Variants in ATF7 observed in about 807,000 individuals in gnomAD.
The protein encoded by ATF7 is activating transcription factor 7.
In ATF7, 10 loss-of-function variants were observed where a neutral mutation model predicts 50.4. The ratio of observed to expected loss-of-function variants is 0.20; its 90% CI spans 0.12 to 0.34. ATF7 has a LOEUF of 0.34. Ranked by LOEUF, ATF7 falls within the 10% of genes least tolerant of loss-of-function variation. ATF7 has a pLI of 1.00. For synonymous variants in ATF7, 201 were observed against 226.4 expected (o/e 0.89, Z 1.01); for missense variants, 465 against 613.9 (o/e 0.76, Z 2.56).
At chr12:53,599,927 G>T (rs1372911058) in intron 2 of ATF7, among the ~76,000 whole-genome samples, 1 of 151,504 alleles carries the variant, frequency 6.6e-6, no homozygotes, top group Non-Finnish European at 1.5e-5. Flanking sequence ...GGTCTAGGAA[G>T]AAGAGTTAAG....
At chr12:53,580,621 G>A (rs560088617) in intron 2 of ATF7, among the ~76,000 whole-genome samples, 3 of 134,020 alleles carry the variant, frequency 2.2e-5, no homozygotes, top group Non-Finnish European at 4.6e-5. Context: ...CGGAGATCAC[G>A]CCACTGAACT....
At chr12:53,623,974 T>G (rs1944500914) in intron 1 of ATF7, among the ~76,000 whole-genome samples, 1 of 152,204 alleles carries the variant, frequency 6.6e-6, no homozygotes, top group Non-Finnish European at 1.5e-5. Context: ...GTGTAAACTT[T>G]GATCCACAAG....
intron 2 of ATF7, among the ~76,000 whole-genome samples, chr12:53,579,510 C>G (rs891944872): frequency 6.6e-6 from 1 of 151,088 alleles, no homozygotes; most frequent in African/African-American, 2.4e-5. Context: ...TGAGATCGTG[C>G]CACTGCACTC....
intron 1 of ATF7, among the ~76,000 whole-genome samples, chr12:53,604,288 A>G (rs1454105493): frequency 4.6e-5 from 7 of 152,218 alleles, no homozygotes; most frequent in Non-Finnish European, 1.0e-4. Context: ...AAAAAACTTA[A>G]TACTTACTCA....
intron 2 of ATF7, among the ~76,000 whole-genome samples, chr12:53,558,487 A>G (rs933771103): frequency 6.6e-6 from 1 of 152,242 alleles, no homozygotes; most frequent in Admixed American, 6.5e-5. Context: ...AAAAAAGCAC[A>G]GGCAAAAAAC....
intron 9 of ATF7, among the ~76,000 whole-genome samples, chr12:53,526,184 G>A (rs1431630214): frequency 2.8e-5 from 4 of 144,472 alleles, no homozygotes; most frequent in African/African-American, 1.0e-4. Context: ...CTCCAGCCTG[G>A]ATAACAAGAG....
At chr12:53,563,297 G>A (rs1383194527) in intron 2 of ATF7, among the ~76,000 whole-genome samples, 1 of 152,022 alleles carries the variant, frequency 6.6e-6, no homozygotes, top group Non-Finnish European at 1.5e-5. Context: ...TAGTCTATAT[G>A]GTCTCACAAT....
chr12:53,616,411 T>TG (rs1450749490), intron 1 of ATF7, among the ~76,000 whole-genome samples: 3 of 151,830 alleles, frequency 2.0e-5, no homozygotes, highest in Non-Finnish European at 4.4e-5. Flanking sequence ...TTTGTAGAGA[T>TG]GGGGTCTCCC....
chr12:53,577,521 C>T (rs971539801), intron 2 of ATF7, among the ~76,000 whole-genome samples: 5 of 151,860 alleles, frequency 3.3e-5, no homozygotes, highest in African/African-American at 9.7e-5. Context: ...TCGAGACCAT[C>T]TTGGCTAACA....
chr12:53,563,767 A>T (rs1941288360), intron 2 of ATF7, among the ~76,000 whole-genome samples: 2 of 152,386 alleles, frequency 1.3e-5, no homozygotes, highest in South Asian at 4.1e-4. Flanking sequence ...TAGTGACATA[A>T]GAGTAACTGT....
chr12:53,537,415 C>T lies in ATF7; in HGVS notation c.402G>A (p.Lys134=). ...SSPCSPPLKE[K]EVTPKPVLIS... ...AGATGATCCTTGGTAGAGAATTTAC[C>T]TTCTCCTTCAGTGGTGGGGAACAGG... The change falls in exon 5 of 12, where the codon AAG becomes AAA. Residue 134 remains lysine, a splice_region_variant and synonymous_variant. Transcript: ENST00000420353. 1 of 1,613,130 alleles carries T rather than the reference C, an allele frequency of 6.2e-7. No individual in the cohort carries two copies. The highest frequency in any genetic ancestry group is 8.5e-7 in the Non-Finnish European group (1 of 1,179,558).
At position 53,610,513 on chromosome 12, in the gene ATF7, TGAG is replaced by T. The variant is rs1005553779; in HGVS notation, c.-21-9495_-21-9493del. Among the ~76,000 whole-genome samples, 70 of 144,708 alleles carry T rather than the reference TGAG, an allele frequency of 4.8e-4. 1 individual carries two copies. The highest frequency in any genetic ancestry group is 1.0e-4 in the Non-Finnish European group (7 of 67,148). The allele number at this position is 144,708 out of a possible 152,430, so 94.9% of individuals were successfully genotyped here. Reference sequence around the variant, plus strand: ...CCAGAAGGCGGAGGTTGCAGTGAGCTGAGATCACACCACTGCACTCCAGCCTGG... The same window carrying T: ...CCAGAAGGCGGAGGTTGCAGTGAGCTATCACACCACTGCACTCCAGCCTGG... On this transcript the variant is annotated intron_variant, in intron 1 of 11. Transcript: ENST00000420353.
chr12:53,577,037 C>T (rs144127740), intron 2 of ATF7, among the ~76,000 whole-genome samples: 2 of 152,144 alleles, frequency 1.3e-5, no homozygotes, highest in Admixed American at 6.5e-5. Flanking sequence ...GCCTGGGTGA[C>T]CAAGAGAGAA....
chr12:53,514,616 T>C lies in ATF7; in HGVS notation c.*2521A>G, dbSNP rs947503657. The C allele has an allele frequency of 6.6e-6, 1 of 152,234 alleles. No individual in the cohort carries two copies. The highest frequency in any genetic ancestry group is 1.5e-5 in the Non-Finnish European group (1 of 68,056). The allele number at this position is 152,234 out of a possible 1,614,324, so 9.4% of individuals were successfully genotyped here. A position where few individuals can be genotyped will look rare whatever the true frequency, so the allele number is the denominator to read the frequency against. On this transcript the variant is annotated 3_prime_UTR_variant, in exon 12 of 12. Coordinates refer to ENST00000420353, the MANE Select transcript of ATF7 (RefSeq NM_006856.3). ...CTGCTTCCTTATTTCAGTGCCATTTTGTTACTGTGGTTCTGGCAGTGCTCC... is the reference window on the plus strand; with the variant it reads ...CTGCTTCCTTATTTCAGTGCCATTTCGTTACTGTGGTTCTGGCAGTGCTCC...
chr12:53,563,043 C>T (rs118087207), intron 2 of ATF7, among the ~76,000 whole-genome samples: 1 of 152,232 alleles, frequency 6.6e-6, no homozygotes, highest in East Asian at 1.9e-4. Flanking sequence ...CCAGGTCAGT[C>T]TCTTACTGAT....
intron 2 of ATF7, chr12:53,575,556 A>G (rs1357963385): frequency 6.7e-6 from 1 of 149,126 alleles, no homozygotes; most frequent in East Asian, 2.1e-4. Flanking sequence ...AGCCTGGGCA[A>G]CAGCGAGATG....
At chr12:53,530,568 A>AT (rs113567735) in intron 9 of ATF7, among the ~76,000 whole-genome samples, 4,257 of 151,432 alleles carry the variant, frequency 0.028, 198 homozygotes, top group African/African-American at 0.098. Flanking sequence ...ATTTTTTTAT[A>AT]TTTTTTTATT....
intron 2 of ATF7, among the ~76,000 whole-genome samples, chr12:53,587,844 T>TATATATATTA (rs1491300296): frequency 2.5e-5 from 1 of 40,772 alleles, no homozygotes; most frequent in Admixed American, 3.1e-4. Context: ...TATATATATA[T>TATATATATTA]TTTTTTTTTT....
At chr12:53,534,388 T>A in intron 6 of ATF7, 114 bp downstream of exon 6, 2 of 1,454,376 alleles carry the variant, frequency 1.4e-6, no homozygotes, top group Non-Finnish European at 1.9e-6. Context: ...TGAGAGATAA[T>A]CTCAGTGACT....
Sources: allele counts gnomAD v4.1 joint callset (sites outside exome capture counted in the v4.1 genomes callset), GRCh38; gene constraint gnomAD v4.1.1; transcripts MANE v1.5; gene names NCBI Gene and HGNC (gene_info 2026-07-23, HGNC 2026-07-21).